Variants in CADM1 observed in about 807,000 individuals in gnomAD.
The protein encoded by CADM1 is TSLC-1.
CADM1 carries 15 observed loss-of-function variants against 53.1 expected under a neutral mutation model. The ratio of observed to expected loss-of-function variants is 0.28; its 90% confidence interval spans 0.19 to 0.44. CADM1 has a LOEUF of 0.44. Ranked by LOEUF, CADM1 falls within the 20% of genes least tolerant of loss-of-function variation. CADM1 has a pLI of 1.00. For synonymous variants in CADM1, 281 were observed against 243.0 expected (o/e 1.16, Z -1.45); for missense variants, 434 against 611.3 (o/e 0.71, Z 3.06).
intron 1 of CADM1, among the ~76,000 whole-genome samples, chr11:115,353,168 G>A (rs1379146699): frequency 6.6e-6 from 1 of 152,174 alleles, no homozygotes; most frequent in African/African-American, 2.4e-5. Context: ...ACGGAAATGG[G>A]TACAGACAGG....
intron 1 of CADM1, among the ~76,000 whole-genome samples, chr11:115,407,799 G>A (rs1307092804): frequency 6.7e-6 from 1 of 150,268 alleles, no homozygotes; most frequent in Non-Finnish European, 1.5e-5. Flanking sequence ...GAGCCTGGGG[G>A]GGTTCGAGGC....
At position 115,169,671 on chromosome 11, in the gene CADM1, A is replaced by G; in HGVS notation, c.*6803T>C. ...GAGAAAGAGAGAGAGATGGATAGTA[A>G]TTTCGTCACTAGCTAACAGAGACTG... On this transcript the variant is annotated 3_prime_UTR_variant, in exon 12 of 12. Coordinates refer to ENST00000331581, the MANE Select transcript of CADM1 (RefSeq NM_001301043.2). 2.2e-6 allele frequency: 1 copy of G among 455,940 alleles called. No individual in the cohort carries two copies. Among genetic ancestry groups the G allele is most frequent in the Non-Finnish European group, 4.4e-6 (1 of 226,726 alleles). 28.2% of individuals were successfully genotyped at this position (455,940 alleles called of 1,614,324 possible). A position where few individuals can be genotyped will look rare whatever the true frequency, so the allele number is the denominator to read the frequency against.
At chr11:115,241,584 G>C (rs973631211) in intron 1 of CADM1, among the ~76,000 whole-genome samples, 1 of 152,116 alleles carries the variant, frequency 6.6e-6, no homozygotes, top group African/African-American at 2.4e-5. Flanking sequence ...TCACAGGGCT[G>C]ATGGGGGGAT....
At chr11:115,291,771 G>C (rs535697927) in intron 1 of CADM1, among the ~76,000 whole-genome samples, 2 of 151,876 alleles carry the variant, frequency 1.3e-5, no homozygotes, top group Non-Finnish European at 2.9e-5. Context: ...ATCAAAACAG[G>C]GTTTAGTATA....
At chr11:115,196,034 G>T (rs1233081124) in intron 9 of CADM1, among the ~76,000 whole-genome samples, 1 of 152,122 alleles carries the variant, frequency 6.6e-6, no homozygotes, top group Non-Finnish European at 1.5e-5. Flanking sequence ...CTTGGCTCTA[G>T]GTGTATTCTT....
intron 9 of CADM1, among the ~76,000 whole-genome samples, chr11:115,192,020 T>C (rs1462980752): frequency 1.3e-5 from 2 of 152,232 alleles, no homozygotes; most frequent in Non-Finnish European, 2.9e-5. Flanking sequence ...TCAGTGAGTA[T>C]TTGTTGAATT....
At chr11:115,299,325 A>C (rs1421704448) in intron 1 of CADM1, among the ~76,000 whole-genome samples, 2 of 152,160 alleles carry the variant, frequency 1.3e-5, no homozygotes, top group African/African-American at 2.4e-5. Flanking sequence ...CTTTATCTGC[A>C]GATGGGATAT....
intron 11 of CADM1, 30 bp downstream of exon 11, chr11:115,178,614 G>C: frequency 6.3e-7 from 1 of 1,599,346 alleles, no homozygotes; most frequent in Non-Finnish European, 8.5e-7. Context: ...GTGGGGACAC[G>C]CTGCTTCTGT....
At chr11:115,195,334 T>G (rs544941479) in intron 9 of CADM1, among the ~76,000 whole-genome samples, 1 of 152,332 alleles carries the variant, frequency 6.6e-6, no homozygotes, top group African/African-American at 2.4e-5. Context: ...TGGTATAAAC[T>G]TCATACATAC....
At chr11:115,401,153 T>C (rs1170429109) in intron 1 of CADM1, among the ~76,000 whole-genome samples, 1 of 152,116 alleles carries the variant, frequency 6.6e-6, no homozygotes, top group Non-Finnish European at 1.5e-5. Context: ...AATAGAATAG[T>C]ATTCAGCGTT....
intron 1 of CADM1, among the ~76,000 whole-genome samples, chr11:115,306,123 A>C (rs1359904233): frequency 1.8e-5 from 1 of 55,594 alleles, no homozygotes; most frequent in Non-Finnish European, 3.8e-5. Context: ...TGTGCCATAT[A>C]ACAATGTTTT....
chr11:115,214,850 G>T, intron 6 of CADM1, 70 bp from the exon 7 acceptor site: 1 of 1,384,016 alleles, frequency 7.2e-7, no homozygotes, highest in Non-Finnish European at 1.0e-6. Flanking sequence ...TCACCCACAT[G>T]CAGGGTGACA....
intron 1 of CADM1, among the ~76,000 whole-genome samples, chr11:115,373,678 G>C (rs370168211): frequency 6.6e-6 from 1 of 151,164 alleles, no homozygotes; most frequent in Non-Finnish European, 1.5e-5. Context: ...GAAAATGGGA[G>C]GTTCCATTTA....
intron 1 of CADM1, among the ~76,000 whole-genome samples, chr11:115,427,676 A>G (rs190640805): frequency 2.8e-4 from 42 of 149,642 alleles, no homozygotes; most frequent in Non-Finnish European, 5.3e-4. Flanking sequence ...CGACAAACAG[A>G]AATTAAAGAA....
chr11:115,269,077 G>A (rs1294653135), intron 1 of CADM1, among the ~76,000 whole-genome samples: 1 of 152,026 alleles, frequency 6.6e-6, no homozygotes, highest in African/African-American at 2.4e-5. Context: ...TTCTAGACTG[G>A]ACTCCCAGGA....
intron 1 of CADM1, among the ~76,000 whole-genome samples, chr11:115,314,327 A>C (rs1278559197): frequency 6.6e-6 from 1 of 152,172 alleles, no homozygotes; most frequent in Admixed American, 6.5e-5. Context: ...GGTCCCTATT[A>C]TGCATCAACA....
At chr11:115,186,254 T>G (rs1172957939) in intron 10 of CADM1, among the ~76,000 whole-genome samples, 1 of 152,198 alleles carries the variant, frequency 6.6e-6, no homozygotes, top group East Asian at 1.9e-4. Context: ...CAGGGGAAAC[T>G]GATCCCATAA....
intron 1 of CADM1, among the ~76,000 whole-genome samples, chr11:115,466,046 C>G (rs1486194770): frequency 6.6e-6 from 1 of 151,970 alleles, no homozygotes; most frequent in African/African-American, 2.4e-5. Flanking sequence ...TTCATTTAGC[C>G]ATACAGGTAA....
At chr11:115,231,592 T>A in intron 3 of CADM1, 102 bp from the exon 4 acceptor site, 7 of 1,103,880 alleles carry the variant, frequency 6.3e-6, no homozygotes, top group Middle Eastern at 2.2e-4. Flanking sequence ...GGAATTTAAA[T>A]CATCACAAGA....
Sources: allele counts gnomAD v4.1 joint callset (sites outside exome capture counted in the v4.1 genomes callset), GRCh38; gene constraint gnomAD v4.1.1; transcripts MANE v1.5; gene names NCBI Gene and HGNC (gene_info 2026-07-23, HGNC 2026-07-21).